Variants in MLLT10 observed in about 807,000 individuals in gnomAD.
MLLT10 encodes the protein MLLT10 histone lysine methyltransferase DOT1L cofactor.
MLLT10 carries 30 observed loss-of-function variants against 129.1 expected under a neutral mutation model. The ratio of observed to expected loss-of-function variants is 0.23; its 90% CI spans 0.17 to 0.32. The LOEUF (loss-of-function observed/expected upper bound fraction) is 0.32. Ranked by LOEUF, MLLT10 falls within the 10% of genes least tolerant of loss-of-function variation. The probability of loss-of-function intolerance (pLI) is 1.00; values close to 1 mark genes in which losing one functional copy is unlikely to be tolerated. For missense variants in MLLT10, 1,119 were observed against 1,268.3 expected, an observed-to-expected ratio of 0.88 and a Z score of 1.79; for synonymous variants, 490 against 446.4, an observed-to-expected ratio of 1.10 and a Z score of -1.23.
At chr10:21,603,815 TTTTG>T (rs1443536522) in intron 5 of MLLT10, among the ~76,000 whole-genome samples, 1 of 140,488 alleles carries the variant, frequency 7.1e-6, no homozygotes, top group Non-Finnish European at 1.6e-5. Flanking sequence ...GGTTGACAGT[TTTTG>T]TTTTTTTGTT....
At chr10:21,620,457 A>C (rs1319476041) in intron 8 of MLLT10, among the ~76,000 whole-genome samples, 2 of 152,140 alleles carry the variant, frequency 1.3e-5, no homozygotes, top group Admixed American at 1.3e-4. Context: ...GTCAGGATAA[A>C]CTTTTCGTAA....
chr10:21,610,637 T>C (rs988815785), intron 5 of MLLT10, among the ~76,000 whole-genome samples: 9 of 151,572 alleles, frequency 5.9e-5, no homozygotes, highest in African/African-American at 2.2e-4. Flanking sequence ...TTTTTATAAA[T>C]AAAAATTATC....
At chr10:21,566,785 AT>A (rs2039628615) in intron 3 of MLLT10, among the ~76,000 whole-genome samples, 1 of 150,334 alleles carries the variant, frequency 6.7e-6, no homozygotes, top group Non-Finnish European at 1.5e-5. Flanking sequence ...GTTCATTGAT[AT>A]GGTTTGGATA....
chr10:21,670,628 A>C lies in MLLT10; in HGVS notation c.975A>C (p.Ser325=). ...GKGKKSSAHS[S]GQRGRKPGGG... is the part of the protein sequence containing the mutation. The stretch of plus-strand genomic sequence containing the variant: ...GGAAGAAATCTTCAGCTCACAGCTC[A>C]GGTCAAAGGGGAAGAAAGCCTGGTG... Residue 325 remains serine (S), a synonymous_variant, in exon 10 of 23, where the codon TCA becomes TCC. Coordinates refer to ENST00000307729, the MANE Select transcript of MLLT10 (RefSeq NM_001195626.3). 6.8e-6 allele frequency: 11 copies of C among 1,614,094 alleles called. No homozygotes were observed. Among genetic ancestry groups the C allele is most frequent in the Non-Finnish European group, 9.3e-6 (11 of 1,179,920 alleles).
chr10:21,634,838 C>T (rs373047116), intron 8 of MLLT10, among the ~76,000 whole-genome samples: 5 of 152,244 alleles, frequency 3.3e-5, no homozygotes, highest in African/African-American at 9.6e-5. Flanking sequence ...GATTGTCCCA[C>T]ATTTGGCCAA....
chr10:21,669,105 T>G, intron 9 of MLLT10: 1 of 1,280,636 alleles, frequency 7.8e-7, no homozygotes, highest in Non-Finnish European at 1.0e-6. Context: ...AAAATGGGAT[T>G]TTTTTTTTCC....
intron 5 of MLLT10, among the ~76,000 whole-genome samples, chr10:21,607,190 G>T (rs1007509814): frequency 2.4e-4 from 37 of 152,030 alleles, no homozygotes; most frequent in African/African-American, 8.0e-4. Context: ...ATAAAGACTT[G>T]CAGAGAACAG....
In MLLT10 at chr10:21,728,603, C is replaced by T. The variant is rs146516217; in HGVS notation, c.2063+675C>T. The stretch of plus-strand genomic sequence containing the variant: ...ATTTTATTTCCCTTCTGTGCGTTCT[C>T]TTTGTTTTCTCCATGTTCTCTAATT... On this transcript the variant is annotated intron_variant, in intron 16 of 22. Coordinates refer to ENST00000307729, the MANE Select transcript of MLLT10 (RefSeq NM_001195626.3). Among the ~76,000 whole-genome samples the T allele has an allele frequency of 5.6e-3, 850 of 152,226 alleles. 2 individuals carry two copies. The highest frequency in any genetic ancestry group is 9.0e-3 in the Non-Finnish European group (610 of 68,022).
rs548551419 is a variant in MLLT10, at chr10:21,699,862, C to T, written c.1700-13910C>T. On this transcript the variant is annotated intron_variant, in intron 13 of 22. Coordinates refer to ENST00000307729, the MANE Select transcript of MLLT10 (RefSeq NM_001195626.3). Reference sequence around the variant, plus strand: ...CAGGATTACTTCAGCTATTCTGATTCTTTCTTGGCTCCATACAAATGTTAG... The same window carrying T: ...CAGGATTACTTCAGCTATTCTGATTTTTTCTTGGCTCCATACAAATGTTAG... 1.3e-3 allele frequency among the ~76,000 whole-genome samples: 195 copies of T among 152,200 alleles called. 2 individuals are homozygous for T. Among genetic ancestry groups the T allele is most frequent in the African/African-American group, 4.4e-3 (183 of 41,534 alleles).
chr10:21,648,954 C>T (rs1243311421), intron 8 of MLLT10, among the ~76,000 whole-genome samples: 1 of 152,138 alleles, frequency 6.6e-6, no homozygotes, highest in East Asian at 1.9e-4. Flanking sequence ...GATTCAATTA[C>T]CTCCTACCAG....
At chr10:21,578,386 C>T (rs1413657850) in intron 3 of MLLT10, among the ~76,000 whole-genome samples, 4 of 152,130 alleles carry the variant, frequency 2.6e-5, no homozygotes, top group Non-Finnish European at 5.9e-5. Flanking sequence ...GTCAGACATG[C>T]GACTTGTAGA....
chr10:21,651,897 T>A, intron 9 of MLLT10, 129 bp downstream of exon 9: 17 of 296,894 alleles, frequency 5.7e-5, no homozygotes, highest in South Asian at 1.0e-4. Context: ...CTTAGAATTC[T>A]CATTTCTTTT....
intron 8 of MLLT10, among the ~76,000 whole-genome samples, chr10:21,634,324 G>C (rs1276361956): frequency 2.0e-5 from 3 of 152,146 alleles, no homozygotes; most frequent in African/African-American, 4.8e-5. Flanking sequence ...GCTCAGCTGG[G>C]ATTTGTCTGA....
intron 5 of MLLT10, among the ~76,000 whole-genome samples, chr10:21,602,109 C>G (rs2043593900): frequency 6.6e-6 from 1 of 152,122 alleles, no homozygotes; most frequent in Admixed American, 6.5e-5. Context: ...GGTATAAGCA[C>G]CTGGATTTAG....
chr10:21,708,193 AAAAGG>A (rs2055717524), intron 13 of MLLT10, among the ~76,000 whole-genome samples: 1 of 152,196 alleles, frequency 6.6e-6, no homozygotes, highest in African/African-American at 2.4e-5. Context: ...GGAAGGGAAG[AAAAGG>A]AAAGGAAGGA....
At chr10:21,732,202 A>G (rs1166900910) in intron 17 of MLLT10, among the ~76,000 whole-genome samples, 2 of 152,226 alleles carry the variant, frequency 1.3e-5, no homozygotes, top group Non-Finnish European at 2.9e-5. Context: ...GGACACTTCA[A>G]AAATCTTAAC....
At chr10:21,724,795 T>A (rs1589832383) in intron 14 of MLLT10, among the ~76,000 whole-genome samples, 1 of 152,312 alleles carries the variant, frequency 6.6e-6, no homozygotes, top group South Asian at 2.1e-4. Flanking sequence ...TACAGTGGAT[T>A]ACGCAATACT....
At chr10:21,667,209 G>A (rs2050896729) in intron 9 of MLLT10, among the ~76,000 whole-genome samples, 1 of 151,956 alleles carries the variant, frequency 6.6e-6, no homozygotes, top group Non-Finnish European at 1.5e-5. Context: ...TGGAGTGTAA[G>A]ACATCCTTAA....
intron 8 of MLLT10, among the ~76,000 whole-genome samples, chr10:21,619,988 G>T (rs1375749649): frequency 6.7e-6 from 1 of 148,154 alleles, no homozygotes; most frequent in Non-Finnish European, 1.5e-5. Context: ...GGAGTGCAGT[G>T]GCGCAGTCTC....
Sources: allele counts gnomAD v4.1 joint callset (sites outside exome capture counted in the v4.1 genomes callset), GRCh38; gene constraint gnomAD v4.1.1; transcripts MANE v1.5; gene names NCBI Gene and HGNC (gene_info 2026-07-23, HGNC 2026-07-21).